TFDP3: variants seen among roughly 807,000 people sequenced by gnomAD.
The protein encoded by TFDP3 is E2F-like protein.
For missense variants in TFDP3, 353 were observed against 321.6 expected (o/e 1.10, Z -0.75); for synonymous variants, 167 against 131.3 (o/e 1.27, Z -1.86).
Position 133,218,062 on chromosome X carries a change from T to C in TFDP3, c.198A>G (p.Ala66=). 1.7e-6 allele frequency: 2 copies of C among 1,211,638 alleles called. No homozygotes were observed. The highest frequency in any genetic ancestry group is 2.2e-6 in the Non-Finnish European group (2 of 895,517). The change falls in exon 1 of 1, where the codon GCA becomes GCG. Residue 66 remains alanine (A), a synonymous_variant. Coordinates refer to ENST00000310125, the MANE Select transcript of TFDP3 (RefSeq NM_016521.3). ...TTCCTACCACAGGGATGTTTGATGC[T>C]GCTGGTCTCTGAGGCATACCAATTA... ...QVVIGMPQRP[A]ASNIPVVGSP...
Position 133,216,944 on chromosome X carries a change from T to A in TFDP3, c.*98A>T. 9.3e-7 allele frequency: 1 copy of A among 1,078,398 alleles called. No individual in the cohort carries two copies. The highest frequency in any genetic ancestry group is 1.2e-6 in the Non-Finnish European group (1 of 827,536). The allele number at this position is 1,078,398 out of a possible 1,213,427, so 88.9% of individuals were successfully genotyped here. On this transcript the variant is annotated 3_prime_UTR_variant, in exon 1 of 1. Transcript: ENST00000310125. ...TAGCTTACCAATATCTTCTTGGGAG[T>A]AGGCAAAAAAGAAACAGAAAACCTC...
In TFDP3 at chrX:133,216,948, C is replaced by G; in HGVS notation, c.*94G>C. The G allele has an allele frequency of 9.2e-7, 1 of 1,089,836 alleles. No individual in the cohort carries two copies. 89.8% of individuals were successfully genotyped at this position (1,089,836 alleles called of 1,213,427 possible). ...TTACCAATATCTTCTTGGGAGTAGG[C>G]AAAAAAGAAACAGAAAACCTCACAT... is the stretch of plus-strand genomic sequence containing the variant. On this transcript the variant is annotated 3_prime_UTR_variant, in exon 1 of 1. Coordinates refer to ENST00000310125, the MANE Select transcript of TFDP3 (RefSeq NM_016521.3).
At position 133,217,145 on chromosome X, in the gene TFDP3, C is replaced by T. The variant is rs2068014589; in HGVS notation, c.1115G>A (p.Gly372Glu). 8.3e-7 allele frequency: 1 copy of T among 1,211,480 alleles called. No homozygotes were observed. Among genetic ancestry groups the T allele is most frequent in the Non-Finnish European group, 1.1e-6 (1 of 895,517 alleles). The change falls in exon 1 of 1, where the codon GGA becomes GAA. Residue 372 changes from glycine (G) to glutamate (E), a missense_variant. Physicochemically the swap from Gly to Glu is moderately conservative, Grantham distance 98. Coordinates refer to ENST00000310125, the MANE Select transcript of TFDP3 (RefSeq NM_016521.3). ...CACCCTGGAGCCACTGTACTGAGAT[C>T]CACCGGAGCTTGTGGCCAGCATCCC... ...AIGMLATSSG[G>E]SQYSGSRVET...
rs1044980404 is a variant in TFDP3 at position 133,217,130 on chromosome X, C to T, written c.1130G>A (p.Gly377Asp). The T allele has an allele frequency of 8.3e-7, 1 of 1,211,842 alleles. No individual in the cohort carries two copies. Among genetic ancestry groups the T allele is most frequent in the Non-Finnish European group, 1.1e-6 (1 of 895,554 alleles). ...ATSSGGSQYS[G>D]SRVETPAVEE... ...GACTGCTGGGGTCTCCACCCTGGAG[C>T]CACTGTACTGAGATCCACCGGAGCT... Residue 377 changes from glycine (G) to aspartate (D), a missense_variant, in exon 1 of 1, where the codon GGC becomes GAC. By Grantham distance (94) the Gly-to-Asp change is moderately conservative (BLOSUM62 -1). Transcript: ENST00000310125.
At position 133,217,205 on chromosome X, in the gene TFDP3, C is replaced by T. The variant is rs775789413; in HGVS notation, c.1055G>A (p.Trp352Ter). Residue 352 changes from tryptophan to a stop codon, truncating the protein, a stop_gained, in exon 1 of 1, where the codon TGG (tryptophan) becomes TAG (stop). Transcript: ENST00000310125. LOFTEE classifies it low-confidence loss of function (END_TRUNC). ...GTTGGTCAGGTCACTGGCAGAAAGC[C>T]ACGTGCCATTAGACCTGGAACCTGC... ...TTAGSRSNGT[W>*]LSASDLTNIA... 4.1e-6 allele frequency: 5 copies of T among 1,211,745 alleles called. No homozygotes were observed. Among genetic ancestry groups the T allele is most frequent in the Non-Finnish European group, 5.6e-6 (5 of 895,566 alleles).
rs150206388 is a variant in TFDP3, at chrX:133,217,321, G to A, written c.939C>T (p.Asp313=). The change falls in exon 1 of 1, where the codon GAC becomes GAT. Residue 313 remains aspartate, a synonymous_variant. Transcript: ENST00000310125. ...GLESGSCSAE[D]LKMARNLVPK... is the part of the protein sequence containing the mutation. Reference sequence around the variant, plus strand: ...GGACCAAATTTCTGGCCATTTTAAGGTCTTCGGCAGAGCAGCTCCCGGACT... The same window carrying A: ...GGACCAAATTTCTGGCCATTTTAAGATCTTCGGCAGAGCAGCTCCCGGACT... The A allele has an allele frequency of 2.7e-4, 326 of 1,210,636 alleles. 4 individuals are homozygous for A. In the African/African-American group the frequency reaches 4.6e-3, roughly 17 times the overall value.
chrX:133,217,819 G>A lies in TFDP3; in HGVS notation c.441C>T (p.His147=), dbSNP rs200079727. The A allele has an allele frequency of 1.1e-3, 1,386 of 1,209,754 alleles. 1 individual carries two copies. The highest frequency in any genetic ancestry group is 1.4e-3 in the Non-Finnish European group (1,268 of 895,172). Residue 147 remains histidine (H), a synonymous_variant, in exon 1 of 1, where the codon CAC becomes CAT. Transcript: ENST00000310125. ...LVAKFRAASN[H]ASPNESAYDV... ...CATAAGCTGACTCGTTTGGTGAGGC[G>A]TGGTTGCTGGCAGCTCTGAACTTGG...
rs773893894 is a variant in TFDP3, at chrX:133,218,033, G to C, written c.227C>G (p.Pro76Arg). ...AASNIPVVGS[P>R]NPPSTHFASQ... ...GGCAAAGTGAGTGCTGGGTGGGTTT[G>C]GGCTTCCTACCACAGGGATGTTTGA... Residue 76 changes from proline to arginine, a missense_variant, in exon 1 of 1, where the codon CCA becomes CGA. Transcript: ENST00000310125. 1.2e-5 allele frequency: 15 copies of C among 1,211,903 alleles called. No homozygotes were observed. The South Asian group carries it at 1.9e-4, about 16-fold the overall frequency.
chrX:133,216,918 A>G lies in TFDP3; in HGVS notation c.*124T>C. 2.0e-6 allele frequency: 2 copies of G among 995,220 alleles called. No homozygotes were observed. The highest frequency in any genetic ancestry group is 2.6e-6 in the Non-Finnish European group (2 of 759,836). 82.0% of individuals were successfully genotyped at this position (995,220 alleles called of 1,213,427 possible). A position where few individuals can be genotyped will look rare whatever the true frequency, so the allele number is the denominator to read the frequency against. On this transcript the variant is annotated 3_prime_UTR_variant, in exon 1 of 1. Coordinates refer to ENST00000310125, the MANE Select transcript of TFDP3 (RefSeq NM_016521.3). ...TATCAGAGGTGCATATCTAAATTCT[A>G]TAGCTTACCAATATCTTCTTGGGAG...
rs201974352 is a variant in TFDP3 at position 133,218,024 on chromosome X, G to A, written c.236C>T (p.Pro79Leu). 6 of 1,210,091 alleles carry A rather than the reference G, an allele frequency of 5.0e-6. No individual in the cohort carries two copies. Among genetic ancestry groups the A allele is most frequent in the Non-Finnish European group, 6.7e-6 (6 of 895,320 alleles). ...NIPVVGSPNP[P>L]STHFASQNQH... ...GTTCTGAGAGGCAAAGTGAGTGCTG[G>A]GTGGGTTTGGGCTTCCTACCACAGG... Residue 79 changes from proline (P) to leucine (L), a missense_variant, in exon 1 of 1, where the codon CCC (proline) becomes CTC (leucine). Physicochemically the swap from Pro to Leu is moderately conservative, Grantham distance 98. Transcript: ENST00000310125.
rs2068011720 is a variant in TFDP3 at position 133,216,725 on chromosome X, T to G, written c.*317A>C. The G allele has an allele frequency of 5.3e-6, 1 of 186,966 alleles. No individual in the cohort carries two copies. The highest frequency in any genetic ancestry group is 7.2e-5 in the Admixed American group (1 of 13,973). 15.4% of individuals were successfully genotyped at this position (186,966 alleles called of 1,213,427 possible). A position where few individuals can be genotyped will look rare whatever the true frequency, so the allele number is the denominator to read the frequency against. On this transcript the variant is annotated 3_prime_UTR_variant, in exon 1 of 1. Transcript: ENST00000310125. Reference sequence around the variant, plus strand: ...TGTGGATGAAGTACAATTTCTTCAGTAAACTCAGGAAAAACTGTTAAGGGG... The same window carrying G: ...TGTGGATGAAGTACAATTTCTTCAGGAAACTCAGGAAAAACTGTTAAGGGG...
Position 133,217,897 on chromosome X carries a change from C to G in TFDP3, c.363G>C (p.Thr121=). 1 of 1,211,798 alleles carries G rather than the reference C, an allele frequency of 8.3e-7. No individual in the cohort carries two copies. Among genetic ancestry groups the G allele is most frequent in the South Asian group, 1.8e-5 (1 of 56,981 alleles). The change falls in exon 1 of 1, where the codon ACG becomes ACC. Residue 121 remains threonine, a synonymous_variant. Coordinates refer to ENST00000310125, the MANE Select transcript of TFDP3 (RefSeq NM_016521.3). ...LCRLSMKVWE[T]VQRKGTTSCQ... Reference sequence around the variant, plus strand: ...AGGAAGTGGTCCCTTTCCTCTGCACCGTCTCCCAGACCTTCATGGAAAGAC... The same window carrying G: ...AGGAAGTGGTCCCTTTCCTCTGCACGGTCTCCCAGACCTTCATGGAAAGAC...
At position 133,217,750 on chromosome X, in the gene TFDP3, C is replaced by T; in HGVS notation, c.510G>A (p.Val170=). Residue 170 remains valine, a synonymous_variant, in exon 1 of 1, where the codon GTG becomes GTA. Transcript: ENST00000310125. ...TGGAGATGATATTCATGGCCATCAG[C>T]ACGTTTAAGGCATCGTAGGTGCGCC... ...IKRRTYDALN[V]LMAMNIISRE... is the part of the protein sequence containing the mutation. 2 of 1,211,880 alleles carry T rather than the reference C, an allele frequency of 1.7e-6. No individual in the cohort carries two copies. Among genetic ancestry groups the T allele is most frequent in the Non-Finnish European group, 2.2e-6 (2 of 895,602 alleles).
In TFDP3 at chrX:133,217,771, G is replaced by A. The variant is rs757617212; in HGVS notation, c.489C>T (p.Arg163=). The A allele has an allele frequency of 1.7e-6, 2 of 1,211,506 alleles. No individual in the cohort carries two copies. Among genetic ancestry groups the A allele is most frequent in the Non-Finnish European group, 2.2e-6 (2 of 895,502 alleles). ...TCAGCACGTTTAAGGCATCGTAGGT[G>A]CGCCGTTTTATGTTTTTCACGTCAT... ...SAYDVKNIKR[R]TYDALNVLMA... is the part of the protein sequence containing the mutation. Residue 163 remains arginine (R), a synonymous_variant, in exon 1 of 1, where the codon CGC becomes CGT. Coordinates refer to ENST00000310125, the MANE Select transcript of TFDP3 (RefSeq NM_016521.3).
rs1167773019 is a variant in TFDP3 at position 133,217,576 on chromosome X, G to A, written c.684C>T (p.Phe228=). 8.3e-7 allele frequency: 1 copy of A among 1,211,706 alleles called. No homozygotes were observed. ...LQQLILQQIA[F]KNLVLRNQYV... is the part of the protein sequence containing the mutation. ...ACTGGTTTCTCAGCACCAGGTTCTT[G>A]AAAGCAATTTGCTGTAGAATAAGTT... The change falls in exon 1 of 1, where the codon TTC becomes TTT. Residue 228 remains phenylalanine, a synonymous_variant. Transcript: ENST00000310125.
chrX:133,217,320 G>T lies in TFDP3; in HGVS notation c.940C>A (p.Leu314Ile). Reference sequence around the variant, plus strand: ...GGGACCAAATTTCTGGCCATTTTAAGGTCTTCGGCAGAGCAGCTCCCGGAC... The same window carrying T: ...GGGACCAAATTTCTGGCCATTTTAATGTCTTCGGCAGAGCAGCTCCCGGAC... ...LESGSCSAED[L>I]KMARNLVPKA... Residue 314 changes from leucine (L) to isoleucine (I), a missense_variant, in exon 1 of 1, where the codon CTT becomes ATT. By Grantham distance (5) the Leu-to-Ile change is conservative (BLOSUM62 2). Coordinates refer to ENST00000310125, the MANE Select transcript of TFDP3 (RefSeq NM_016521.3). 8.3e-7 allele frequency: 1 copy of T among 1,212,096 alleles called. No individual in the cohort carries two copies. Among genetic ancestry groups the T allele is most frequent in the Non-Finnish European group, 1.1e-6 (1 of 895,573 alleles).
chrX:133,218,343 G>A lies in TFDP3; in HGVS notation c.-84C>T, dbSNP rs1156673579. 12 of 910,846 alleles carry A rather than the reference G, an allele frequency of 1.3e-5. No individual in the cohort carries two copies. The highest frequency in any genetic ancestry group is 8.1e-5 in the African/African-American group (4 of 49,189). 75.1% of individuals were successfully genotyped at this position (910,846 alleles called of 1,213,427 possible). On this transcript the variant is annotated 5_prime_UTR_variant, in exon 1 of 1. Transcript: ENST00000310125. ...ATTCTTCCAGGCCGAGTGTAGGGCT[G>A]CCGTGAGGTGCGTGGCGTAACGTGC...
chrX:133,217,675 C>G lies in TFDP3; in HGVS notation c.585G>C (p.Gln195His), dbSNP rs35745873. ...KWIGLTTNSA[Q>H]NCQNLRVERQ... ...TTTCCACCCGTAAGTTCTGACAGTTCTGAGCCGAGTTGGTGGTCAGACCAA... is the reference window on the plus strand; with the variant it reads ...TTTCCACCCGTAAGTTCTGACAGTTGTGAGCCGAGTTGGTGGTCAGACCAA... The change falls in exon 1 of 1, where the codon CAG becomes CAC. Residue 195 changes from glutamine to histidine, a missense_variant. Coordinates refer to ENST00000310125, the MANE Select transcript of TFDP3 (RefSeq NM_016521.3). The G allele has an allele frequency of 2.9e-5, 35 of 1,210,390 alleles. No homozygotes were observed. Among genetic ancestry groups the G allele is most frequent in the Non-Finnish European group, 3.8e-5 (34 of 895,277 alleles).
Position 133,217,769 on chromosome X carries a change from G to A in TFDP3, c.491C>T (p.Thr164Ile), listed in dbSNP as rs1446542251. 10 of 1,209,761 alleles carry A rather than the reference G, an allele frequency of 8.3e-6. No individual in the cohort carries two copies. Among genetic ancestry groups the A allele is most frequent in the Non-Finnish European group, 1.1e-5 (10 of 895,238 alleles). ...CATCAGCACGTTTAAGGCATCGTAGGTGCGCCGTTTTATGTTTTTCACGTC... is the reference window on the plus strand; with the variant it reads ...CATCAGCACGTTTAAGGCATCGTAGATGCGCCGTTTTATGTTTTTCACGTC... ...AYDVKNIKRR[T>I]YDALNVLMAM... is the part of the protein sequence containing the mutation. The change falls in exon 1 of 1, where the codon ACC becomes ATC. Residue 164 changes from threonine to isoleucine, a missense_variant. Thr to Ile is a moderately conservative substitution (Grantham distance 89). Transcript: ENST00000310125.
Sources: allele counts gnomAD v4.1 joint callset, GRCh38; gene constraint gnomAD v4.1.1; transcripts MANE v1.5; gene names NCBI Gene and HGNC (gene_info 2026-07-23, HGNC 2026-07-21).